The following PKHD1 variants were observed in gnomAD, a reference collection of about 807,000 sequenced individuals.
The protein encoded by PKHD1 is fibrocystin.
PKHD1 carries 291 observed loss-of-function variants against 412.0 expected under a neutral mutation model. That is an observed-to-expected ratio of 0.71 (90% confidence interval 0.64 to 0.78). PKHD1 has a LOEUF of 0.78. Among genes scored for constraint, PKHD1 ranks in the 30% least tolerant of loss-of-function variants. PKHD1 has a pLI of 0.00. For missense variants in PKHD1, 4,825 were observed against 4,950.7 expected (o/e 0.97, Z 0.76); for synonymous variants, 1,777 against 1,821.5 (o/e 0.98, Z 0.62).
At chr6:52,032,093 G>C (rs376497473) in intron 29 of PKHD1, among the ~76,000 whole-genome samples, 2 of 152,100 alleles carry the variant, frequency 1.3e-5, no homozygotes, top group Non-Finnish European at 2.9e-5. Context: ...AGTCACCTGG[G>C]GCAGCAAATT....
intron 60 of PKHD1, among the ~76,000 whole-genome samples, chr6:51,699,466 T>G (rs1486872553): frequency 2.6e-5 from 4 of 152,312 alleles, no homozygotes; most frequent in African/African-American, 9.6e-5. Context: ...TCCACACTCT[T>G]GATGAAGGAT....
intron 60 of PKHD1, among the ~76,000 whole-genome samples, chr6:51,669,703 T>G (rs567891876): frequency 1.5e-5 from 2 of 137,064 alleles, no homozygotes; most frequent in African/African-American, 5.9e-5. Context: ...AATTTCCCTC[T>G]ACACACTGCT....
chr6:51,953,037 G>C (rs1311552761), intron 36 of PKHD1, among the ~76,000 whole-genome samples: 1 of 152,124 alleles, frequency 6.6e-6, no homozygotes, highest in African/African-American at 2.4e-5. Context: ...AAAAGAGTCT[G>C]TGACTGACTC....
chr6:52,041,052 G>A (rs987543985), intron 27 of PKHD1, among the ~76,000 whole-genome samples: 7 of 152,154 alleles, frequency 4.6e-5, no homozygotes, highest in African/African-American at 1.2e-4. Context: ...ACAAGAGTCC[G>A]TACCTTAAAG....
At chr6:51,733,529 C>T (rs1397159904) in intron 60 of PKHD1, among the ~76,000 whole-genome samples, 4 of 95,040 alleles carry the variant, frequency 4.2e-5, no homozygotes, top group African/African-American at 1.4e-4. Context: ...GAGGGAGACT[C>T]CCTCTCAAAA....
intron 46 of PKHD1, among the ~76,000 whole-genome samples, chr6:51,874,725 G>A (rs773344101): frequency 1.3e-5 from 2 of 151,276 alleles, no homozygotes; most frequent in African/African-American, 2.4e-5. Context: ...TCAGGAGATT[G>A]AGACCATCCT....
chr6:51,943,688 CT>C (rs775123525), intron 36 of PKHD1, among the ~76,000 whole-genome samples: 1 of 151,574 alleles, frequency 6.6e-6, no homozygotes, highest in Non-Finnish European at 1.5e-5. Context: ...TGCTTTTCTC[CT>C]TGTCTTATTC....
chr6:51,851,999 G>A (rs187160444), intron 49 of PKHD1, among the ~76,000 whole-genome samples: 1 of 151,874 alleles, frequency 6.6e-6, no homozygotes, highest in African/African-American at 2.4e-5. Flanking sequence ...GTGATGTTAG[G>A]GTATCGATTT....
At chr6:51,866,855 A>G (rs1377772294) in intron 48 of PKHD1, among the ~76,000 whole-genome samples, 1 of 152,136 alleles carries the variant, frequency 6.6e-6, no homozygotes, top group Non-Finnish European at 1.5e-5. Flanking sequence ...AAATAAAAAT[A>G]TATCCCTACA....
At chr6:51,752,591 A>G (rs1162115882) in intron 57 of PKHD1, among the ~76,000 whole-genome samples, 4 of 152,162 alleles carry the variant, frequency 2.6e-5, no homozygotes, top group Admixed American at 6.5e-5. Context: ...TTATATATTC[A>G]TGTACACCAC....
chr6:51,903,278 C>T (rs535300656), intron 43 of PKHD1, among the ~76,000 whole-genome samples: 52 of 152,330 alleles, frequency 3.4e-4, no homozygotes, highest in African/African-American at 1.2e-3. Flanking sequence ...CCACCACTAA[C>T]GCTGCCACCT....
At position 51,897,373 on chromosome 6, in the gene PKHD1, A is replaced by G. The variant is rs1005689272; in HGVS notation, c.6996+6224T>C. On this transcript the variant is annotated intron_variant, in intron 43 of 66. Transcript: ENST00000371117. Reference sequence around the variant, plus strand: ...GGGCCAATATTCAACATTCTTAAAGAAAAGAATTTTCAACCCAGAATTTCA... The same window carrying G: ...GGGCCAATATTCAACATTCTTAAAGGAAAGAATTTTCAACCCAGAATTTCA... 1.8e-3 allele frequency among the ~76,000 whole-genome samples: 272 copies of G among 152,280 alleles called. 1 individual carries two copies. Among genetic ancestry groups the G allele is most frequent in the Non-Finnish European group, 3.0e-3 (202 of 68,036 alleles).
At chr6:52,029,602 A>C (rs1476989159) in intron 29 of PKHD1, among the ~76,000 whole-genome samples, 1 of 152,246 alleles carries the variant, frequency 6.6e-6, no homozygotes, top group Non-Finnish European at 1.5e-5. Context: ...AAATCCAAAA[A>C]GAAAGTCATA....
intron 52 of PKHD1, among the ~76,000 whole-genome samples, chr6:51,810,875 G>T (rs1457333992): frequency 6.6e-6 from 1 of 152,142 alleles, no homozygotes; most frequent in African/African-American, 2.4e-5. Context: ...GGGAAACAGA[G>T]AGACTTCTAA....
At chr6:51,709,120 G>C (rs1437321552) in intron 60 of PKHD1, among the ~76,000 whole-genome samples, 2 of 152,122 alleles carry the variant, frequency 1.3e-5, no homozygotes, top group Non-Finnish European at 2.9e-5. Context: ...TATCACATTT[G>C]TGCTTTGTAT....
chr6:51,872,875 CTTTT>C (rs33953182), intron 46 of PKHD1, among the ~76,000 whole-genome samples: 243 of 81,496 alleles, frequency 3.0e-3, no homozygotes, highest in Non-Finnish European at 2.9e-3. Context: ...CCATCGTTTC[CTTTT>C]TTTTTTTTTT....
chr6:51,923,527 A>G (rs916672526), intron 37 of PKHD1, among the ~76,000 whole-genome samples: 1 of 152,024 alleles, frequency 6.6e-6, no homozygotes, highest in Non-Finnish European at 1.5e-5. Flanking sequence ...AGAAAAAAAA[A>G]AAACAATAAA....
chr6:51,976,537 C>T (rs912645523), intron 35 of PKHD1, among the ~76,000 whole-genome samples: 12 of 152,110 alleles, frequency 7.9e-5, no homozygotes, highest in Admixed American at 5.2e-4. Context: ...TTTGGGAAGA[C>T]GAAAACATCC....
At chr6:51,972,465 T>G (rs1685711013) in intron 35 of PKHD1, among the ~76,000 whole-genome samples, 1 of 152,236 alleles carries the variant, frequency 6.6e-6, no homozygotes, top group Non-Finnish European at 1.5e-5. Flanking sequence ...ACCTGAAGAA[T>G]GAGGAAACCC....
Sources: gnomAD v4.1 joint callset for allele counts (sites outside exome capture counted in the v4.1 genomes callset) on GRCh38, gnomAD v4.1.1 for gene constraint, MANE v1.5 for transcripts, NCBI Gene and HGNC (gene_info 2026-07-23, HGNC 2026-07-21) for gene names.